Variants in TLE5 observed in about 807,000 individuals in gnomAD.
The protein encoded by TLE5 is TLE family member 5.
In TLE5, 7 loss-of-function variants were observed where a neutral mutation model predicts 25.8. The ratio of observed to expected loss-of-function variants is 0.27; its 90% confidence interval spans 0.15 to 0.51. The LOEUF (loss-of-function observed/expected upper bound fraction) is 0.51. TLE5 is among the 20% of genes least tolerant of loss of function. TLE5 has a pLI of 0.97. For missense variants in TLE5, 149 were observed against 250.7 expected (o/e 0.59, Z 2.74); for synonymous variants, 132 against 110.5 (o/e 1.20, Z -1.22).
At chr19:3,061,536 T>A (rs1482924008) in intron 1 of TLE5, 2 of 255,082 alleles carry the variant, frequency 7.8e-6, no homozygotes, top group East Asian at 2.1e-4. Flanking sequence ...GGGGGCAGGG[T>A]GCGCCCTCTA....
At position 3,062,372 on chromosome 19, in the gene TLE5, C is replaced by G; in HGVS notation, c.-172G>C. Reference sequence around the variant, plus strand: ...TTCCTGCGCCCCCTCCCCGCGCGCCCGGCCCCGGCGCGCCCCGGGCCCCGC... The same window carrying G: ...TTCCTGCGCCCCCTCCCCGCGCGCCGGGCCCCGGCGCGCCCCGGGCCCCGC... On this transcript the variant is annotated 5_prime_UTR_variant, in exon 1 of 7. Coordinates refer to ENST00000327141, the MANE Select transcript of TLE5 (RefSeq NM_001130.6). 1.0e-6 allele frequency: 1 copy of G among 967,456 alleles called. No homozygotes were observed. The highest frequency in any genetic ancestry group is 1.2e-6 in the Non-Finnish European group (1 of 817,866). 59.9% of individuals were successfully genotyped at this position (967,456 alleles called of 1,614,324 possible).
chr19:3,055,544 C>T lies in TLE5; in HGVS notation c.297+120G>A, dbSNP rs960545272. 2.4e-5 allele frequency: 20 copies of T among 823,470 alleles called. No individual in the cohort carries two copies. The East Asian group carries it at 4.6e-4, about 19-fold the overall frequency. The allele number at this position is 823,470 out of a possible 1,614,324, so 51.0% of individuals were successfully genotyped here. On this transcript the variant is annotated intron_variant, in intron 5 of 6. Transcript: ENST00000327141. ...TCTGGTGTTCAGAGCCAGGGAGGTC[C>T]AGAGAGGGGAGGCGTGTGCCCTGGG...
chr19:3,061,889 G>C (rs1018603062), intron 1 of TLE5, among the ~76,000 whole-genome samples: 6 of 127,104 alleles, frequency 4.7e-5, no homozygotes, highest in South Asian at 2.3e-4. Context: ...GGCGGGTTGG[G>C]GGGGGGGGGC....
At chr19:3,061,452 G>A (rs2145267155) in intron 1 of TLE5, 195 bp from the exon 2 acceptor site, 2 of 413,654 alleles carry the variant, frequency 4.8e-6, no homozygotes, top group South Asian at 5.8e-5. Flanking sequence ...CCGAGCGGGT[G>A]GGTGCGCCCG....
intron 3 of TLE5, among the ~76,000 whole-genome samples, chr19:3,057,135 G>C (rs909873364): frequency 3.3e-5 from 5 of 152,198 alleles, no homozygotes; most frequent in African/African-American, 1.2e-4. Flanking sequence ...CCAGGCCAAG[G>C]GTGGGTAAGG....
At chr19:3,054,093 C>T (rs1181233085) in intron 6 of TLE5, 27 bp downstream of exon 6, 1 of 723,520 alleles carries the variant, frequency 1.4e-6, no homozygotes, top group Non-Finnish European at 2.2e-6. Context: ...CTGTCCCCCG[C>T]CCACCCGCCC....
intron 4 of TLE5, 36 bp downstream of exon 4, chr19:3,056,276 A>C: frequency 3.9e-6 from 5 of 1,267,786 alleles, no homozygotes; most frequent in Non-Finnish European, 5.3e-6. Flanking sequence ...AGGGGGAAGG[A>C]GGAGGAGGAG....
intron 4 of TLE5, 25 bp from the exon 5 acceptor site, chr19:3,055,751 T>A (rs1284615892): frequency 6.3e-7 from 1 of 1,592,762 alleles, no homozygotes; most frequent in Non-Finnish European, 8.5e-7. Context: ...TGAAGCCGGC[T>A]TCAGTCCTGG....
At chr19:3,061,313 G>T in intron 1 of TLE5, 56 bp from the exon 2 acceptor site, 5 of 1,421,712 alleles carry the variant, frequency 3.5e-6, no homozygotes, top group Non-Finnish European at 5.0e-6. Flanking sequence ...CCCCCCTCAA[G>T]GGCCGGCTAG....
intron 5 of TLE5, chr19:3,055,402 TCTAC>T (rs1454943424): frequency 5.8e-6 from 2 of 346,076 alleles, no homozygotes; most frequent in Admixed American, 9.3e-5. Flanking sequence ...ATCTGACATT[TCTAC>T]CTATGACATG....
chr19:3,062,685 G>A (rs1484359204), upstream of TLE5: 17 of 1,431,490 alleles, frequency 1.2e-5, no homozygotes, highest in Non-Finnish European at 1.5e-5. Flanking sequence ...AGCGGCCCCC[G>A]CCACCCTCTC....
intron 2 of TLE5, among the ~76,000 whole-genome samples, chr19:3,060,198 G>A (rs2090252716): frequency 6.6e-6 from 1 of 151,992 alleles, no homozygotes; most frequent in African/African-American, 2.4e-5. Context: ...CAGGGCAGGC[G>A]AGAACCTATA....
At chr19:3,062,656 G>GCCCGCC (rs754178356), upstream of TLE5, 129 of 1,323,856 alleles carry the variant, frequency 9.7e-5, no homozygotes, top group African/African-American at 1.7e-3. Context: ...CTTGGGCCCG[G>GCCCGCC]CCCGCCCCCG....
At chr19:3,056,232 G>A (rs2090216770) in intron 4 of TLE5, 80 bp downstream of exon 4, 4 of 1,085,618 alleles carry the variant, frequency 3.7e-6, no homozygotes, top group Non-Finnish European at 5.2e-6. Context: ...ACCTGCCTGG[G>A]GGTGCCCAAG....
chr19:3,061,753 G>C (rs2090270566), intron 1 of TLE5, among the ~76,000 whole-genome samples: 1 of 151,122 alleles, frequency 6.6e-6, no homozygotes, highest in Admixed American at 6.6e-5. Context: ...TCTTCCGGGA[G>C]GGGTGCGCCT....
intron 2 of TLE5, among the ~76,000 whole-genome samples, chr19:3,058,271 C>T (rs1308368679): frequency 6.6e-6 from 1 of 152,124 alleles, no homozygotes; most frequent in Non-Finnish European, 1.5e-5. Flanking sequence ...GTCTCACGAG[C>T]CTTCACCTCT....
Position 3,056,360 on chromosome 19 carries a change from T to C in TLE5, c.190-4A>G. 8.6e-7 allele frequency: 1 copy of C among 1,158,600 alleles called. No homozygotes were observed. The allele number at this position is 1,158,600 out of a possible 1,614,324, so 71.8% of individuals were successfully genotyped here. ...AGCCGTAGGACATCTCGTAGTACTG[T>C]ATGGGGGAGAGAGAGGGGGAGCGGG... On this transcript the variant is annotated splice_polypyrimidine_tract_variant and splice_region_variant and intron_variant, in intron 3 of 6. Coordinates refer to ENST00000327141, the MANE Select transcript of TLE5 (RefSeq NM_001130.6).
At chr19:3,061,729 C>T (rs941812660) in intron 1 of TLE5, among the ~76,000 whole-genome samples, 1 of 151,216 alleles carries the variant, frequency 6.6e-6, no homozygotes, top group Non-Finnish European at 1.5e-5. Context: ...CAGCGCCCTT[C>T]CTCGGGGACA....
intron 2 of TLE5, among the ~76,000 whole-genome samples, chr19:3,060,188 C>G (rs748746999): frequency 6.6e-6 from 1 of 152,092 alleles, no homozygotes; most frequent in Non-Finnish European, 1.5e-5. Flanking sequence ...CCCTCCAGAG[C>G]AGGGCAGGCG....
Sources: gnomAD v4.1 joint callset for allele counts (sites outside exome capture counted in the v4.1 genomes callset) on GRCh38, gnomAD v4.1.1 for gene constraint, MANE v1.5 for transcripts, NCBI Gene and HGNC (gene_info 2026-07-23, HGNC 2026-07-21) for gene names.